Variants in TLE1 observed in about 807,000 individuals in gnomAD.
TLE1 encodes the protein TLE family member 1, transcriptional corepressor.
In TLE1, 21 loss-of-function variants were observed where a neutral mutation model predicts 89.8. That is an observed-to-expected ratio of 0.23 (90% CI 0.17 to 0.34). TLE1 has a LOEUF of 0.34. Among genes scored for constraint, TLE1 ranks in the 10% least tolerant of loss-of-function variants. The pLI is 1.00. For synonymous variants in TLE1, 447 were observed against 407.6 expected, an observed-to-expected ratio of 1.10 and a Z score of -1.16; for missense variants, 795 against 1,031.2, an observed-to-expected ratio of 0.77 and a Z score of 3.14.
At chr9:81,603,068 G>A (rs1831157064) in intron 14 of TLE1, among the ~76,000 whole-genome samples, 1 of 152,166 alleles carries the variant, frequency 6.6e-6, no homozygotes, top group African/African-American at 2.4e-5. Flanking sequence ...GTTCCACTCT[G>A]ATTGACAACA....
At chr9:81,620,998 C>T (rs953905765) in intron 8 of TLE1, 3 of 401,626 alleles carry the variant, frequency 7.5e-6, no homozygotes, top group African/African-American at 2.1e-5. Context: ...ACAAAGGAAG[C>T]GGTGGGATTA....
chr9:81,587,496 AG>A (rs1828680744), intron 17 of TLE1, among the ~76,000 whole-genome samples, 184 bp downstream of exon 17: 1 of 152,172 alleles, frequency 6.6e-6, no homozygotes, highest in Admixed American at 6.5e-5. Flanking sequence ...GTTTTGGGGA[AG>A]GTAGGGGGAG....
chr9:81,654,340 CAT>C (rs1044550058), intron 4 of TLE1, among the ~76,000 whole-genome samples: 1 of 151,908 alleles, frequency 6.6e-6, no homozygotes, highest in African/African-American at 2.4e-5. Context: ...TATATATACA[CAT>C]ATATATATGT....
intron 4 of TLE1, among the ~76,000 whole-genome samples, chr9:81,667,911 C>G (rs753506085): frequency 1.3e-5 from 2 of 152,142 alleles, no homozygotes; most frequent in African/African-American, 4.8e-5. Context: ...CACCTGTAAC[C>G]CCAGCATTTT....
intron 4 of TLE1, among the ~76,000 whole-genome samples, chr9:81,682,599 A>G (rs1452810130): frequency 6.6e-6 from 1 of 152,230 alleles, no homozygotes; most frequent in Non-Finnish European, 1.5e-5. Context: ...AAATGAGGTA[A>G]TATCAAACCA....
chr9:81,613,824 G>C (rs933335837), intron 11 of TLE1, among the ~76,000 whole-genome samples: 12 of 151,768 alleles, frequency 7.9e-5, no homozygotes, highest in African/African-American at 2.7e-4. Flanking sequence ...AAGTTAGAAA[G>C]ATGACCACCC....
At chr9:81,682,250 C>G (rs1449198419) in intron 4 of TLE1, among the ~76,000 whole-genome samples, 1 of 146,726 alleles carries the variant, frequency 6.8e-6, no homozygotes, top group African/African-American at 2.5e-5. Context: ...GAGATTCCAT[C>G]TCAAAAAAAA....
intron 16 of TLE1, among the ~76,000 whole-genome samples, chr9:81,589,863 A>T (rs1291791559): frequency 6.6e-6 from 1 of 152,170 alleles, no homozygotes; most frequent in Non-Finnish European, 1.5e-5. Flanking sequence ...CCCAGCAAAC[A>T]GAAGAGGAAA....
chr9:81,593,389 G>A, intron 14 of TLE1, 115 bp from the exon 15 acceptor site: 1 of 1,346,452 alleles, frequency 7.4e-7, no homozygotes, highest in Non-Finnish European at 9.9e-7. Flanking sequence ...AGATTCTCTT[G>A]TATAGTTTCC....
chr9:81,639,079 C>T (rs1426757562), intron 6 of TLE1, among the ~76,000 whole-genome samples: 1 of 151,886 alleles, frequency 6.6e-6, no homozygotes, highest in South Asian at 2.1e-4. Flanking sequence ...TACAGGTGTG[C>T]ACCACTACAC....
intron 6 of TLE1, among the ~76,000 whole-genome samples, chr9:81,648,841 T>TA (rs35086426): frequency 0.21 from 32,510 of 152,130 alleles, 4,015 homozygotes; most frequent in East Asian, 0.47. Context: ...GCTTATGGTG[T>TA]AAAAACGATC....
rs1221291995 is a variant in TLE1, at chr9:81,689,370, C to A, written c.-1130G>T. Reference sequence around the variant, plus strand: ...AGCGGGGGTTTTGGTCGCCGCGGGACGACGGAGGTCCGGGCTGGTGGCGCG... The same window carrying A: ...AGCGGGGGTTTTGGTCGCCGCGGGAAGACGGAGGTCCGGGCTGGTGGCGCG... On this transcript the variant is annotated 5_prime_UTR_variant, in exon 1 of 20. Coordinates refer to ENST00000376499, the MANE Select transcript of TLE1 (RefSeq NM_005077.5). 1.3e-5 allele frequency: 2 copies of A among 152,454 alleles called. No individual in the cohort carries two copies. The highest frequency in any genetic ancestry group is 6.5e-5 in the Admixed American group (1 of 15,288). 9.4% of individuals were successfully genotyped at this position (152,454 alleles called of 1,614,324 possible). A position where few individuals can be genotyped will look rare whatever the true frequency, so the allele number is the denominator to read the frequency against.
intron 9 of TLE1, among the ~76,000 whole-genome samples, chr9:81,617,997 C>T (rs2132145871): frequency 6.6e-6 from 1 of 151,810 alleles, no homozygotes; most frequent in East Asian, 2.0e-4. Context: ...TGCACTCCAG[C>T]CTGAGTGACA....
intron 14 of TLE1, among the ~76,000 whole-genome samples, chr9:81,602,979 G>A (rs1287401397): frequency 1.3e-5 from 2 of 152,164 alleles, no homozygotes; most frequent in African/African-American, 2.4e-5. Context: ...GGTGACCAGG[G>A]TGGTTGGGAA....
At chr9:81,684,729 C>T (rs1228013827) in intron 4 of TLE1, among the ~76,000 whole-genome samples, 1 of 152,166 alleles carries the variant, frequency 6.6e-6, no homozygotes, top group Non-Finnish European at 1.5e-5. Context: ...TGTGCAACTT[C>T]ATCTGATGAT....
At chr9:81,685,961 A>C in intron 2 of TLE1, 65 bp from the exon 3 acceptor site, 5 of 1,560,482 alleles carry the variant, frequency 3.2e-6, no homozygotes, top group Non-Finnish European at 4.4e-6. Context: ...TCTGCCTCAC[A>C]TATTTGCACT....
Sources: gnomAD v4.1 joint callset for allele counts (sites outside exome capture counted in the v4.1 genomes callset) on GRCh38, gnomAD v4.1.1 for gene constraint, MANE v1.5 for transcripts, NCBI Gene and HGNC (gene_info 2026-07-23, HGNC 2026-07-21) for gene names.